The following FRYL variants were observed in gnomAD, a reference collection of about 807,000 sequenced individuals.
FRYL encodes the protein FRY like transcription coactivator.
Under a neutral mutation model 351.2 loss-of-function variants are expected in FRYL, and 150 were observed. The ratio of observed to expected loss-of-function variants is 0.43; its 90% CI spans 0.37 to 0.49. FRYL has a LOEUF of 0.49. Ranked by LOEUF, FRYL falls within the 20% of genes least tolerant of loss-of-function variation. The pLI is 0.00. For missense variants in FRYL, 3,036 were observed against 3,619.3 expected, an observed-to-expected ratio of 0.84 and a Z score of 4.13; for synonymous variants, 1,153 against 1,257.1, an observed-to-expected ratio of 0.92 and a Z score of 1.75.
At chr4:48,733,248 C>G (rs1281012758) in intron 1 of FRYL, among the ~76,000 whole-genome samples, 1 of 151,148 alleles carries the variant, frequency 6.6e-6, no homozygotes, top group African/African-American at 2.4e-5. Context: ...GCACTCTAGC[C>G]TGTGTGACAG....
intron 4 of FRYL, among the ~76,000 whole-genome samples, chr4:48,632,408 T>C (rs191603675): frequency 1.3e-5 from 2 of 150,428 alleles, no homozygotes; most frequent in East Asian, 1.9e-4. Flanking sequence ...GTGTAGTAAT[T>C]TATCATGTAA....
In FRYL at chr4:48,501,606, T is replaced by C. The variant is rs372065897; in HGVS notation, c.8592+17A>G. 2.9e-6 allele frequency: 4 copies of C among 1,372,044 alleles called. No homozygotes were observed. In the African/African-American group the frequency reaches 5.7e-5, roughly 20 times the overall value. 85.0% of individuals were successfully genotyped at this position (1,372,044 alleles called of 1,614,324 possible). A position where few individuals can be genotyped will look rare whatever the true frequency, so the allele number is the denominator to read the frequency against. On this transcript the variant is annotated intron_variant, in intron 62 of 63. Transcript: ENST00000358350. ...TTTAGAATCAGTTACTGATGCCTAA[T>C]ACAACTGAATATTTACCTCTGCTTC...
chr4:48,583,668 C>G (rs564291430), intron 19 of FRYL, among the ~76,000 whole-genome samples: 67 of 151,688 alleles, frequency 4.4e-4, no homozygotes, highest in South Asian at 2.1e-3. Context: ...TTTGGGAGGC[C>G]AGGGCAGGTG....
Position 48,542,104 on chromosome 4 carries a change from A to C in FRYL, c.5610T>G (p.Leu1870=), listed in dbSNP as rs182839291. The change falls in exon 45 of 64, where the codon CTT becomes CTG. Residue 1870 remains leucine (L), a synonymous_variant. Transcript: ENST00000358350. ...CAATTGCAGATTCCAATGTGAGAAG[A>C]AGCTCAATCACAAATCCCTGGGGGG... ...GEDAQGFVIE[L]LLTLESAIDT... is the part of the protein sequence containing the mutation. The C allele has an allele frequency of 5.6e-6, 9 of 1,613,364 alleles. No homozygotes were observed. Among genetic ancestry groups the C allele is most frequent in the East Asian group, 4.5e-5 (2 of 44,866 alleles).
chr4:48,527,742 G>T, intron 52 of FRYL, 89 bp from the exon 53 acceptor site: 1 of 1,289,036 alleles, frequency 7.8e-7, no homozygotes, highest in Non-Finnish European at 1.1e-6. Flanking sequence ...GCCACCGCAG[G>T]CCTCATTCTT....
intron 44 of FRYL, among the ~76,000 whole-genome samples, chr4:48,542,734 AT>A (rs1445639099): frequency 6.6e-6 from 1 of 152,138 alleles, no homozygotes; most frequent in Middle Eastern, 3.2e-3. Context: ...CACTTTTAAA[AT>A]ACACATTAAA....
intron 3 of FRYL, among the ~76,000 whole-genome samples, chr4:48,643,078 GA>G (rs1755644436): frequency 6.6e-6 from 1 of 152,178 alleles, no homozygotes; most frequent in South Asian, 2.1e-4. Flanking sequence ...TATTGTGGCT[GA>G]CTTTTCTCCT....
intron 37 of FRYL, among the ~76,000 whole-genome samples, chr4:48,551,039 T>A (rs544063121): frequency 1.3e-5 from 2 of 151,138 alleles, no homozygotes; most frequent in African/African-American, 4.9e-5. Context: ...TGCACTCCAG[T>A]CTGGCAACAG....
intron 19 of FRYL, among the ~76,000 whole-genome samples, chr4:48,585,513 T>A (rs1194746333): frequency 6.6e-6 from 1 of 152,224 alleles, no homozygotes; most frequent in Non-Finnish European, 1.5e-5. Flanking sequence ...TTCAACATAG[T>A]CAAATATTGC....
chr4:48,712,315 T>C, intron 1 of FRYL, among the ~76,000 whole-genome samples: 1 of 151,660 alleles, frequency 6.6e-6, no homozygotes, highest in Non-Finnish European at 1.5e-5. Flanking sequence ...AGTTAAAAAC[T>C]TTGAAAAAAA....
intron 7 of FRYL, among the ~76,000 whole-genome samples, chr4:48,611,478 A>G (rs551536001): frequency 1.3e-5 from 2 of 152,100 alleles, no homozygotes; most frequent in East Asian, 3.9e-4. Flanking sequence ...TGAGCTCTCC[A>G]TTTTGTTCTA....
intron 25 of FRYL, 136 bp from the exon 26 acceptor site, chr4:48,573,379 T>A: frequency 1.7e-6 from 1 of 600,386 alleles, no homozygotes; most frequent in Non-Finnish European, 2.8e-6. Context: ...TCTATTTTTT[T>A]ATTTGGTTTA....
chr4:48,680,780 G>C (rs1764490540), intron 3 of FRYL: 1 of 209,210 alleles, frequency 4.8e-6, no homozygotes, highest in Non-Finnish European at 9.2e-6. Flanking sequence ...TATTAAAAAA[G>C]TAGGCCAACT....
chr4:48,708,284 A>C (rs190761736), intron 2 of FRYL, among the ~76,000 whole-genome samples: 17 of 6,732 alleles, frequency 2.5e-3, no homozygotes, highest in Admixed American at 2.9e-3. Flanking sequence ...CGTCTCAAAA[A>C]AATAAATAAA....
At chr4:48,714,465 A>C (rs1768501091) in intron 1 of FRYL, among the ~76,000 whole-genome samples, 1 of 148,216 alleles carries the variant, frequency 6.7e-6, no homozygotes, top group Admixed American at 6.8e-5. Context: ...ACAGAAATAC[A>C]AACTACCATC....
At chr4:48,507,033 T>C (rs6447641) in intron 59 of FRYL, among the ~76,000 whole-genome samples, 31,905 of 152,066 alleles carry the variant, frequency 0.21, 4,226 homozygotes, top group Non-Finnish European at 0.29. Context: ...TTAATCTTTA[T>C]TCATACAAAA....
At chr4:48,619,459 C>T (rs1750211435) in intron 6 of FRYL, 89 bp from the exon 7 acceptor site, 1 of 650,856 alleles carries the variant, frequency 1.5e-6, no homozygotes, top group Admixed American at 3.2e-5. Context: ...TTACTGTTTT[C>T]CTACTATGTA....
chr4:48,762,382 T>C (rs935792868), intron 1 of FRYL, among the ~76,000 whole-genome samples: 5 of 152,228 alleles, frequency 3.3e-5, no homozygotes, highest in African/African-American at 1.2e-4. Context: ...TGGGGTAATA[T>C]AACTGACTTC....
In FRYL at chr4:48,527,663, G is replaced by T; in HGVS notation, c.7141-10C>A. The stretch of plus-strand genomic sequence containing the variant: ...TAGAAGAAAATACAACCTGATGCCC[G>T]ATTAAAAAAAAAAAAAAAGTCCATC... On this transcript the variant is annotated splice_polypyrimidine_tract_variant and intron_variant, in intron 52 of 63. Transcript: ENST00000358350. 1 of 1,426,368 alleles carries T rather than the reference G, an allele frequency of 7.0e-7. No individual in the cohort carries two copies. Among genetic ancestry groups the T allele is most frequent in the Non-Finnish European group, 9.1e-7 (1 of 1,096,388 alleles). 88.4% of individuals were successfully genotyped at this position (1,426,368 alleles called of 1,614,324 possible).
Sources: allele counts gnomAD v4.1 joint callset (sites outside exome capture counted in the v4.1 genomes callset), GRCh38; gene constraint gnomAD v4.1.1; transcripts MANE v1.5; gene names NCBI Gene and HGNC (gene_info 2026-07-23, HGNC 2026-07-21).